SRBD1: variants seen among roughly 807,000 people sequenced by gnomAD.
The protein encoded by SRBD1 is S1 RNA-binding domain-containing protein 1.
SRBD1 carries 88 observed loss-of-function variants against 115.3 expected under a neutral mutation model. That is an observed-to-expected ratio of 0.76 (90% CI 0.64 to 0.91). The LOEUF is 0.91. SRBD1 is among the 40% of genes least tolerant of loss of function. SRBD1 has a pLI of 0.00. For missense variants in SRBD1, 1,385 were observed against 1,177.4 expected (o/e 1.18, Z -2.58); for synonymous variants, 509 against 407.7 (o/e 1.25, Z -2.99).
chr2:45,414,542 CAT>C (rs139180764), intron 18 of SRBD1, among the ~76,000 whole-genome samples: 7,012 of 149,316 alleles, frequency 0.047, 312 homozygotes, highest in East Asian at 0.14. Flanking sequence ...TGTGTACACA[CAT>C]AGTGTCTGTA....
At chr2:45,442,679 A>C (rs535726213) in intron 16 of SRBD1, among the ~76,000 whole-genome samples, 1 of 152,298 alleles carries the variant, frequency 6.6e-6, no homozygotes, top group Non-Finnish European at 1.5e-5. Flanking sequence ...TTCATTCTCA[A>C]CCCATCAAGG....
chr2:45,454,823 A>C (rs1669104520), intron 16 of SRBD1, among the ~76,000 whole-genome samples: 1 of 151,908 alleles, frequency 6.6e-6, no homozygotes, highest in African/African-American at 2.4e-5. Context: ...TTTAAAAAGC[A>C]CATTCATATT....
intron 1 of SRBD1, among the ~76,000 whole-genome samples, chr2:45,609,243 C>T (rs1317484157): frequency 6.6e-6 from 1 of 152,206 alleles, no homozygotes; most frequent in Non-Finnish European, 1.5e-5. Flanking sequence ...TATCATCCTC[C>T]AAAGTTCCAT....
At chr2:45,481,657 C>G (rs1669969538) in intron 15 of SRBD1, among the ~76,000 whole-genome samples, 1 of 151,866 alleles carries the variant, frequency 6.6e-6, no homozygotes, top group Non-Finnish European at 1.5e-5. Context: ...CATATAAAAT[C>G]TTATTCATGA....
intron 16 of SRBD1, among the ~76,000 whole-genome samples, chr2:45,432,155 G>C (rs1668360465): frequency 6.6e-6 from 1 of 152,104 alleles, no homozygotes; most frequent in South Asian, 2.1e-4. Flanking sequence ...TCAGCCTCCT[G>C]AGTAGCTGGG....
intron 19 of SRBD1, among the ~76,000 whole-genome samples, chr2:45,399,895 G>A (rs1312083878): frequency 6.6e-6 from 1 of 152,158 alleles, no homozygotes; most frequent in Non-Finnish European, 1.5e-5. Context: ...GCCTGTGAAT[G>A]TTTGAAAGAA....
chr2:45,496,084 TGA>T (rs1670450250), intron 14 of SRBD1, among the ~76,000 whole-genome samples: 1 of 152,218 alleles, frequency 6.6e-6, no homozygotes, highest in Non-Finnish European at 1.5e-5. Context: ...GATACAAATC[TGA>T]GAGCTGCACA....
At chr2:45,571,691 A>G (rs947575150) in intron 9 of SRBD1, among the ~76,000 whole-genome samples, 9 of 152,060 alleles carry the variant, frequency 5.9e-5, no homozygotes, top group Non-Finnish European at 1.3e-4. Flanking sequence ...AGTAAGAGTT[A>G]GAAATTATAA....
chr2:45,413,228 A>T lies in SRBD1; in HGVS notation c.2399T>A (p.Val800Asp). Residue 800 changes from valine (V) to aspartate (D), a missense_variant, in exon 19 of 21, where the codon GTC becomes GAC. By Grantham distance (152) the Val-to-Asp change is radical (BLOSUM62 -3). Coordinates refer to ENST00000263736, the MANE Select transcript of SRBD1 (RefSeq NM_018079.5). ...CTTTTTGCCCTGCTTCTCATTTGTG[A>T]CCTCAACGTCTGCTGAAGATGTCAC... ...VAVTSSADVEVTNEKQGKKKS... is the reference protein window; with the variant it reads ...VAVTSSADVEDTNEKQGKKKS... 3.1e-6 allele frequency: 5 copies of T among 1,614,062 alleles called. No homozygotes were observed. Among genetic ancestry groups the T allele is most frequent in the Non-Finnish European group, 4.2e-6 (5 of 1,179,972 alleles).
chr2:45,441,796 C>T (rs1165481277), intron 16 of SRBD1, among the ~76,000 whole-genome samples: 1 of 152,172 alleles, frequency 6.6e-6, no homozygotes, highest in African/African-American at 2.4e-5. Context: ...TATAGAAACG[C>T]TTTCTTAGCA....
intron 4 of SRBD1, among the ~76,000 whole-genome samples, chr2:45,590,311 C>G (rs574701727): frequency 6.6e-6 from 1 of 152,292 alleles, no homozygotes; most frequent in East Asian, 1.9e-4. Flanking sequence ...AGCTTTGAAA[C>G]GAAGACAATA....
At chr2:45,595,697 A>T (rs1387129308) in intron 4 of SRBD1, among the ~76,000 whole-genome samples, 2 of 152,268 alleles carry the variant, frequency 1.3e-5, no homozygotes, top group Admixed American at 1.3e-4. Context: ...GAGAAATTTT[A>T]AAAGTATAGG....
intron 14 of SRBD1, among the ~76,000 whole-genome samples, chr2:45,528,747 G>A (rs948556252): frequency 6.6e-6 from 1 of 151,820 alleles, no homozygotes; most frequent in African/African-American, 2.4e-5. Flanking sequence ...GAAAATATCT[G>A]GAGTGTTGTC....
intron 14 of SRBD1, among the ~76,000 whole-genome samples, chr2:45,488,893 C>T (rs189110914): frequency 1.4e-4 from 22 of 152,156 alleles, no homozygotes; most frequent in Non-Finnish European, 2.6e-4. Flanking sequence ...GGATGTCATC[C>T]GACTTCTTTT....
intron 14 of SRBD1, among the ~76,000 whole-genome samples, chr2:45,544,956 T>C (rs1672062180): frequency 6.6e-6 from 1 of 152,126 alleles, no homozygotes; most frequent in Non-Finnish European, 1.5e-5. Context: ...TAAGTAACTC[T>C]TCAAAACCTA....
intron 7 of SRBD1, among the ~76,000 whole-genome samples, chr2:45,576,390 G>A (rs1385254615): frequency 3.3e-5 from 5 of 151,430 alleles, no homozygotes; most frequent in African/African-American, 1.2e-4. Context: ...TTTTTATAAA[G>A]TCAAAAGTTA....
intron 19 of SRBD1, among the ~76,000 whole-genome samples, chr2:45,394,482 C>T (rs1015872273): frequency 6.6e-6 from 1 of 152,116 alleles, no homozygotes; most frequent in Admixed American, 6.5e-5. Context: ...CTAGGGATAC[C>T]TCTGGAATAC....
At position 45,389,333 on chromosome 2, in the gene SRBD1, G is replaced by C; in HGVS notation, c.2965C>G (p.Leu989Val). ...NIDIPRSRIT[L>V]DLIRVL is the part of the protein sequence containing the mutation. ...ACTCATAACACCCGAATGAGGTCCAGAGTAATCCTAGATCGGGGGATGTCA... is the reference window on the plus strand; with the variant it reads ...ACTCATAACACCCGAATGAGGTCCACAGTAATCCTAGATCGGGGGATGTCA... Residue 989 changes from leucine to valine, a missense_variant, in exon 21 of 21, where the codon CTG becomes GTG. Transcript: ENST00000263736. 2 of 1,613,990 alleles carry C rather than the reference G, an allele frequency of 1.2e-6. No individual in the cohort carries two copies. The highest frequency in any genetic ancestry group is 2.2e-5 in the South Asian group (2 of 91,070).
At chr2:45,395,934 T>G (rs919180061) in intron 19 of SRBD1, among the ~76,000 whole-genome samples, 14 of 152,216 alleles carry the variant, frequency 9.2e-5, no homozygotes, top group Non-Finnish European at 2.1e-4. Context: ...CACTTTAGAA[T>G]TGAGTGTGGT....
Sources: gnomAD v4.1 joint callset for allele counts (sites outside exome capture counted in the v4.1 genomes callset) on GRCh38, gnomAD v4.1.1 for gene constraint, MANE v1.5 for transcripts, NCBI Gene and HGNC (gene_info 2026-07-23, HGNC 2026-07-21) for gene names.